ZSCAN25: variants seen among roughly 807,000 people sequenced by gnomAD.
ZSCAN25 encodes the protein zinc finger and SCAN domain containing 25.
A neutral mutation model predicts 38.7 loss-of-function variants in ZSCAN25; 27 were observed. The ratio of observed to expected loss-of-function variants is 0.70; its 90% CI spans 0.51 to 0.96. The LOEUF (loss-of-function observed/expected upper bound fraction) is 0.96. Ranked by LOEUF, ZSCAN25 falls within the 40% of genes least tolerant of loss-of-function variation. The pLI is 0.00. For synonymous variants in ZSCAN25, 273 were observed against 277.7 expected, an observed-to-expected ratio of 0.98 and a Z score of 0.17; for missense variants, 637 against 705.9, an observed-to-expected ratio of 0.90 and a Z score of 1.11.
At chr7:99,710,872 T>C in the ZSCAN25 span, 11 of 1,613,758 alleles carry the variant, frequency 6.8e-6, no homozygotes, top group South Asian at 8.8e-5. Context: ...GATTGGGCCA[T>C]GAGCTCCAGA....
the ZSCAN25 span, chr7:99,714,474 A>G: frequency 6.3e-7 from 1 of 1,576,130 alleles, no homozygotes; most frequent in Non-Finnish European, 8.6e-7. Context: ...AAAAACATAC[A>G]GGGAAGTGCA....
the ZSCAN25 span, among the ~76,000 whole-genome samples, chr7:99,656,556 T>A: frequency 8.5e-5 from 13 of 152,316 alleles, no homozygotes; most frequent in East Asian, 2.1e-3. Context: ...TTTGGTTGTG[T>A]CTCTGCCAGG....
the ZSCAN25 span, among the ~76,000 whole-genome samples, chr7:99,649,055 C>A: frequency 6.6e-6 from 1 of 152,286 alleles, no homozygotes; most frequent in Non-Finnish European, 1.5e-5. Context: ...GGGGGAGCCA[C>A]CAACAGAGTA....
chr7:99,668,015 A>G, the ZSCAN25 span, among the ~76,000 whole-genome samples: 1 of 152,258 alleles, frequency 6.6e-6, no homozygotes, highest in Non-Finnish European at 1.5e-5. Context: ...TTCAGGTGAC[A>G]TAATTGTCAA....
the ZSCAN25 span, among the ~76,000 whole-genome samples, chr7:99,707,592 A>G: frequency 6.6e-6 from 1 of 152,230 alleles, no homozygotes; most frequent in African/African-American, 2.4e-5. Context: ...TAATCATGTC[A>G]TGCTAGTCTA....
the ZSCAN25 span, chr7:99,730,454 C>CA: frequency 1.3e-5 from 2 of 153,608 alleles, no homozygotes; most frequent in Non-Finnish European, 2.9e-5. Flanking sequence ...TTCTGTGTCT[C>CA]AAAGTGGCAA....
chr7:99,717,131 A>T, the ZSCAN25 span: 7 of 1,610,622 alleles, frequency 4.3e-6, no homozygotes, highest in Non-Finnish European at 5.9e-6. Flanking sequence ...AGGCAGCTGG[A>T]GGGGCTCATG....
the ZSCAN25 span, among the ~76,000 whole-genome samples, chr7:99,643,777 C>A: frequency 1.3e-5 from 2 of 151,560 alleles, no homozygotes; most frequent in Admixed American, 1.3e-4. Flanking sequence ...TTGCTCCCCC[C>A]TCTCAGCCCC....
chr7:99,627,953 G>A (rs779492366), intron 7 of ZSCAN25, among the ~76,000 whole-genome samples: 1 of 151,922 alleles, frequency 6.6e-6, no homozygotes, highest in African/African-American at 2.4e-5. Context: ...GGTTGGGTTC[G>A]TTAAGAAAAT....
intron 6 of ZSCAN25, among the ~76,000 whole-genome samples, chr7:99,623,695 C>T (rs1018812693): frequency 4.6e-5 from 7 of 152,194 alleles, no homozygotes; most frequent in Non-Finnish European, 8.8e-5. Flanking sequence ...AATAGTTCTT[C>T]GTGGTGCAGT....
At chr7:99,716,300 G>A in the ZSCAN25 span, among the ~76,000 whole-genome samples, 1 of 152,156 alleles carries the variant, frequency 6.6e-6, no homozygotes, top group Non-Finnish European at 1.5e-5. Flanking sequence ...CAAGACAGGT[G>A]ACATTGCCTG....
chr7:99,693,307 T>C, the ZSCAN25 span, among the ~76,000 whole-genome samples: 1 of 152,182 alleles, frequency 6.6e-6, no homozygotes, highest in African/African-American at 2.4e-5. Flanking sequence ...GAAGTGTCTG[T>C]CGGCCTCTAC....
chr7:99,736,056 A>T, the ZSCAN25 span, among the ~76,000 whole-genome samples: 1 of 152,238 alleles, frequency 6.6e-6, no homozygotes, highest in African/African-American at 2.4e-5. Context: ...GAGACATGGC[A>T]TGGATGAGAT....
chr7:99,722,295 C>T, the ZSCAN25 span: 1 of 1,613,622 alleles, frequency 6.2e-7, no homozygotes, highest in East Asian at 2.2e-5. Flanking sequence ...AGAATACTCA[C>T]CCCCAGACTT....
Position 99,632,006 on chromosome 7 carries a change from A to G in ZSCAN25, c.*1986A>G. 1 of 985,500 alleles carries G rather than the reference A, an allele frequency of 1.0e-6. No homozygotes were observed. The highest frequency in any genetic ancestry group is 1.7e-5 in the African/African-American group (1 of 57,360). 61.0% of individuals were successfully genotyped at this position (985,500 alleles called of 1,614,324 possible). Reference sequence around the variant, plus strand: ...CCCCAGAGGGTGGTTTTCCAAAGGCAGGTGGGGACTGGGGAGGCCTCGGGG... The same window carrying G: ...CCCCAGAGGGTGGTTTTCCAAAGGCGGGTGGGGACTGGGGAGGCCTCGGGG... On this transcript the variant is annotated 3_prime_UTR_variant, in exon 8 of 8. Transcript: ENST00000394152.
At chr7:99,683,308 A>G in the ZSCAN25 span, among the ~76,000 whole-genome samples, 4 of 152,192 alleles carry the variant, frequency 2.6e-5, no homozygotes, top group African/African-American at 9.6e-5. Flanking sequence ...TAGCCCTATC[A>G]GTGGAGAGAA....
the ZSCAN25 span, chr7:99,648,121 C>T: frequency 4.4e-5 from 56 of 1,279,286 alleles, no homozygotes; most frequent in Admixed American, 7.1e-5. Flanking sequence ...CTTTATACTA[C>T]ATAATGCACA....
the ZSCAN25 span, among the ~76,000 whole-genome samples, chr7:99,732,204 C>A: frequency 6.6e-6 from 1 of 152,124 alleles, no homozygotes; most frequent in African/African-American, 2.4e-5. Context: ...GTGTGTGGCA[C>A]CTCCTCCCCA....
intron 6 of ZSCAN25, among the ~76,000 whole-genome samples, 196 bp downstream of exon 6, chr7:99,622,836 T>A (rs1335293068): frequency 2.0e-5 from 3 of 152,184 alleles, no homozygotes; most frequent in Non-Finnish European, 2.9e-5. Flanking sequence ...CATCGAACCT[T>A]ATGTCTGTCG....
Sources: gnomAD v4.1 joint callset for allele counts (sites outside exome capture counted in the v4.1 genomes callset) on GRCh38, gnomAD v4.1.1 for gene constraint, MANE v1.5 for transcripts, NCBI Gene and HGNC (gene_info 2026-07-23, HGNC 2026-07-21) for gene names.